PRKG2: variants seen among roughly 807,000 people sequenced by gnomAD.
The protein encoded by PRKG2 is cGMP-dependent protein kinase 2.
PRKG2 carries 33 observed loss-of-function variants against 97.2 expected under a neutral mutation model. That is an observed-to-expected ratio of 0.34 (90% CI 0.26 to 0.45). The LOEUF (loss-of-function observed/expected upper bound fraction) is 0.45. Ranked by LOEUF, PRKG2 falls within the 20% of genes least tolerant of loss-of-function variation. The pLI is 1.00. For missense variants in PRKG2, 638 were observed against 900.0 expected, an observed-to-expected ratio of 0.71 and a Z score of 3.73; for synonymous variants, 330 against 321.8, an observed-to-expected ratio of 1.03 and a Z score of -0.27.
chr4:81,191,222 G>T (rs565210585), intron 2 of PRKG2, among the ~76,000 whole-genome samples: 1 of 152,096 alleles, frequency 6.6e-6, no homozygotes, highest in Admixed American at 6.5e-5. Context: ...AGAAAATGTG[G>T]CACATATACA....
chr4:81,216,486 A>G (rs769542431), upstream of PRKG2, among the ~76,000 whole-genome samples: 1 of 152,184 alleles, frequency 6.6e-6, no homozygotes, highest in Non-Finnish European at 1.5e-5. Context: ...AATTTTTATT[A>G]GCGATTTAAT....
chr4:81,161,210 A>G (rs1459177636), intron 6 of PRKG2, among the ~76,000 whole-genome samples: 2 of 152,190 alleles, frequency 1.3e-5, no homozygotes, highest in Non-Finnish European at 2.9e-5. Flanking sequence ...AGATATGTCA[A>G]TATCTCATGG....
intron 6 of PRKG2, among the ~76,000 whole-genome samples, chr4:81,161,748 C>T (rs952929215): frequency 6.6e-6 from 1 of 152,150 alleles, no homozygotes; most frequent in East Asian, 1.9e-4. Context: ...ACTTCTGCTG[C>T]ATCTCTCTGA....
rs879691668 is a variant in PRKG2, at chr4:81,155,135, G to A, written c.913-1414C>T. Reference sequence around the variant, plus strand: ...GGAGCTTGCAGTGAGCCGAGATCCCGCCACTGCACTCCAGCCTGGGCGACA... The same window carrying A: ...GGAGCTTGCAGTGAGCCGAGATCCCACCACTGCACTCCAGCCTGGGCGACA... On this transcript the variant is annotated intron_variant, in intron 6 of 18. Transcript: ENST00000264399. Among the ~76,000 whole-genome samples the A allele has an allele frequency of 1.0e-3, 134 of 134,354 alleles. 2 individuals carry two copies. The highest frequency in any genetic ancestry group is 2.7e-3 in the South Asian group (11 of 4,110). The allele number at this position is 134,354 out of a possible 152,430, so 88.1% of individuals were successfully genotyped here.
chr4:81,201,747 G>A (rs963589437), intron 2 of PRKG2, among the ~76,000 whole-genome samples: 2 of 152,130 alleles, frequency 1.3e-5, no homozygotes, highest in African/African-American at 4.8e-5. Context: ...TTCTATGGGT[G>A]CTTCATATCT....
chr4:81,088,405 A>G lies in PRKG2; in HGVS notation c.*1303T>C, dbSNP rs913682421. On this transcript the variant is annotated 3_prime_UTR_variant, in exon 19 of 19. Coordinates refer to ENST00000264399, the MANE Select transcript of PRKG2 (RefSeq NM_006259.3). Reference sequence around the variant, plus strand: ...ACAGTATTTTTACTCTGCTAGATTTAAAAAATACAGAAAAGTCTCTGCTTC... The same window carrying G: ...ACAGTATTTTTACTCTGCTAGATTTGAAAAATACAGAAAAGTCTCTGCTTC... 3.3e-5 allele frequency: 5 copies of G among 152,304 alleles called. No individual in the cohort carries two copies. The highest frequency in any genetic ancestry group is 5.9e-5 in the Non-Finnish European group (4 of 68,006). 9.4% of individuals were successfully genotyped at this position (152,304 alleles called of 1,614,324 possible).
chr4:81,216,689 C>T (rs80251327), upstream of PRKG2, among the ~76,000 whole-genome samples: 1 of 152,060 alleles, frequency 6.6e-6, no homozygotes, highest in Non-Finnish European at 1.5e-5. Context: ...ACCTCCCACC[C>T]TCCCACCTAT....
At chr4:81,144,397 A>C in intron 9 of PRKG2, 67 bp from the exon 10 acceptor site, 1 of 1,273,000 alleles carries the variant, frequency 7.9e-7, no homozygotes, top group South Asian at 1.3e-5. Context: ...ACATTCTTCT[A>C]AGCTCATAAA....
At chr4:81,210,142 T>C (rs182199326) in intron 1 of PRKG2, among the ~76,000 whole-genome samples, 11 of 151,624 alleles carry the variant, frequency 7.3e-5, no homozygotes, top group African/African-American at 2.7e-4. Context: ...AAAGACAACA[T>C]AGGAGAAATT....
intron 17 of PRKG2, among the ~76,000 whole-genome samples, chr4:81,098,894 G>A (rs1229161276): frequency 6.6e-6 from 1 of 152,158 alleles, no homozygotes; most frequent in African/African-American, 2.4e-5. Flanking sequence ...AAATGTTGTT[G>A]GAAAAATGGC....
intron 15 of PRKG2, among the ~76,000 whole-genome samples, chr4:81,108,908 CA>C (rs1289210933): frequency 2.6e-5 from 4 of 152,004 alleles, no homozygotes; most frequent in Non-Finnish European, 4.4e-5. Context: ...ACAAACAAAA[CA>C]AAACAATTTC....
chr4:81,176,350 G>A (rs557594035), intron 2 of PRKG2, among the ~76,000 whole-genome samples: 23 of 152,180 alleles, frequency 1.5e-4, no homozygotes, highest in South Asian at 1.2e-3. Flanking sequence ...GCTTCTAGCC[G>A]ATTTTCCCTA....
rs1754203997 is a variant in PRKG2 at position 81,214,989 on chromosome 4, C to T, written c.-67G>A. 6.6e-6 allele frequency: 1 copy of T among 152,570 alleles called. No homozygotes were observed. Among genetic ancestry groups the T allele is most frequent in the African/African-American group, 2.4e-5 (1 of 41,482 alleles). The allele number at this position is 152,570 out of a possible 1,614,324, so 9.5% of individuals were successfully genotyped here. A position where few individuals can be genotyped will look rare whatever the true frequency, so the allele number is the denominator to read the frequency against. ...CAGCTTGTCACCTCGGCGCGGCCGC[C>T]CCTGCGTCTCAGCGTCCTCTCCCAC... On this transcript the variant is annotated 5_prime_UTR_variant, in exon 1 of 19. Coordinates refer to ENST00000264399, the MANE Select transcript of PRKG2 (RefSeq NM_006259.3).
intron 12 of PRKG2, among the ~76,000 whole-genome samples, chr4:81,138,682 A>G (rs1382058606): frequency 6.6e-6 from 1 of 151,718 alleles, no homozygotes; most frequent in African/African-American, 2.4e-5. Context: ...TTTCTCAATA[A>G]ATGTTGTCAT....
chr4:81,090,892 A>G (rs1356472870), intron 18 of PRKG2, among the ~76,000 whole-genome samples: 1 of 152,224 alleles, frequency 6.6e-6, no homozygotes, highest in Non-Finnish European at 1.5e-5. Context: ...CTATCCATAG[A>G]TACATGAAAT....
At chr4:81,152,486 G>A (rs990334588) in intron 7 of PRKG2, among the ~76,000 whole-genome samples, 1 of 152,150 alleles carries the variant, frequency 6.6e-6, no homozygotes, top group Non-Finnish European at 1.5e-5. Flanking sequence ...AGATTGACTG[G>A]CCGAATCCTG....
chr4:81,197,473 C>T (rs938061774), intron 2 of PRKG2, among the ~76,000 whole-genome samples: 4 of 152,012 alleles, frequency 2.6e-5, no homozygotes, highest in South Asian at 2.1e-4. Context: ...CAATAGCAAG[C>T]GAAATAAAAT....
intron 6 of PRKG2, among the ~76,000 whole-genome samples, chr4:81,164,192 A>C (rs1749797578): frequency 6.6e-6 from 1 of 152,140 alleles, no homozygotes; most frequent in Admixed American, 6.5e-5. Flanking sequence ...TAAATGTTGA[A>C]AGAGCTCATA....
chr4:81,164,647 T>A (rs1212215138), intron 6 of PRKG2, among the ~76,000 whole-genome samples: 2 of 151,468 alleles, frequency 1.3e-5, no homozygotes, highest in East Asian at 3.9e-4. Flanking sequence ...GGTGTGGATC[T>A]GGGGGCCCCA....
Sources: gnomAD v4.1 joint callset for allele counts (sites outside exome capture counted in the v4.1 genomes callset) on GRCh38, gnomAD v4.1.1 for gene constraint, MANE v1.5 for transcripts, NCBI Gene and HGNC (gene_info 2026-07-23, HGNC 2026-07-21) for gene names.